The following GOSR1 variants were observed in gnomAD, a reference collection of about 807,000 sequenced individuals.
GOSR1 encodes 28 kDa Golgi SNARE protein.
Under a neutral mutation model 35.5 loss-of-function variants are expected in GOSR1, and 21 were observed. That is an observed-to-expected ratio of 0.59 (90% confidence interval 0.42 to 0.85). The LOEUF is 0.85. GOSR1 is among the 40% of genes least tolerant of loss of function. The pLI is 0.00. For synonymous variants in GOSR1, 94 were observed against 106.6 expected (o/e 0.88, Z 0.73); for missense variants, 285 against 309.6 (o/e 0.92, Z 0.60).
intron 4 of GOSR1, chr17:30,484,991 A>G: frequency 1.8e-6 from 1 of 549,496 alleles, no homozygotes; most frequent in Middle Eastern, 2.8e-4. Flanking sequence ...GGCGAAGTTG[A>G]GTAATATTCA....
At chr17:30,490,244 A>G in intron 5 of GOSR1, 27 bp downstream of exon 5, 3 of 1,101,626 alleles carry the variant, frequency 2.7e-6, no homozygotes, top group East Asian at 2.4e-5. Context: ...ATTATTTTGT[A>G]GAATATTTAT....
intron 7 of GOSR1, among the ~76,000 whole-genome samples, chr17:30,513,403 C>T (rs1016621729): frequency 1.3e-5 from 2 of 152,024 alleles, no homozygotes; most frequent in Non-Finnish European, 2.9e-5. Context: ...TTATATTTTG[C>T]TTCTAAATAT....
At chr17:30,479,826 G>C (rs1236117115) in intron 1 of GOSR1, 1 of 152,112 alleles carries the variant, frequency 6.6e-6, no homozygotes, top group Non-Finnish European at 1.5e-5. Context: ...TTTTTTAAAG[G>C]CGGTTTTTGG....
rs559083118 is a variant in GOSR1, at chr17:30,492,605, A to G, written c.435-74A>G. 1.0e-4 allele frequency: 84 copies of G among 823,936 alleles called. 1 individual carries two copies. The South Asian group carries it at 1.1e-3, about 11-fold the overall frequency. The allele number at this position is 823,936 out of a possible 1,614,324, so 51.0% of individuals were successfully genotyped here. On this transcript the variant is annotated intron_variant, in intron 5 of 8. Transcript: ENST00000451249. ...GAGAGGCTCAATTTTTCTACTTTCA[A>G]GATCACTAGGGTCAGTCAATCTGAT...
At chr17:30,498,287 T>A (rs1967074978) in intron 6 of GOSR1, among the ~76,000 whole-genome samples, 1 of 152,098 alleles carries the variant, frequency 6.6e-6, no homozygotes, top group Non-Finnish European at 1.5e-5. Context: ...TGAGCATCTA[T>A]GATGTGGAAA....
intron 6 of GOSR1, among the ~76,000 whole-genome samples, chr17:30,507,009 A>C (rs1967424873): frequency 6.6e-6 from 1 of 152,146 alleles, no homozygotes; most frequent in Non-Finnish European, 1.5e-5. Flanking sequence ...GAAAAAAAAG[A>C]ATTATTTCAA....
At chr17:30,490,562 G>GA (rs201546118) in intron 5 of GOSR1, among the ~76,000 whole-genome samples, 11 of 151,196 alleles carry the variant, frequency 7.3e-5, no homozygotes, top group Admixed American at 2.0e-4. Context: ...ATGTGTCAAA[G>GA]AAAAAAAAAT....
intron 6 of GOSR1, among the ~76,000 whole-genome samples, chr17:30,494,547 G>A (rs1966920570): frequency 6.6e-6 from 1 of 152,014 alleles, no homozygotes; most frequent in Non-Finnish European, 1.5e-5. Context: ...TCTTGAAAAA[G>A]TATCTAGTTA....
chr17:30,523,126 G>A lies in GOSR1; in HGVS notation c.*748G>A, dbSNP rs1464778989. 2.7e-5 allele frequency: 5 copies of A among 186,856 alleles called. No individual in the cohort carries two copies. The highest frequency in any genetic ancestry group is 1.8e-4 in the South Asian group (2 of 11,150). The allele number at this position is 186,856 out of a possible 1,614,324, so 11.6% of individuals were successfully genotyped here. ...ACCTGCCTTGGCCTCCCAAAGTGCC[G>A]AGATTGCAGCCTCTGCCCGGCCGCC... On this transcript the variant is annotated 3_prime_UTR_variant, in exon 9 of 9. Transcript: ENST00000451249.
In GOSR1 at chr17:30,522,420, C is replaced by T. The variant is rs763792182; in HGVS notation, c.*42C>T. The T allele has an allele frequency of 1.3e-6, 2 of 1,502,334 alleles. No individual in the cohort carries two copies. Among genetic ancestry groups the T allele is most frequent in the Non-Finnish European group, 9.0e-7 (1 of 1,114,510 alleles). 93.1% of individuals were successfully genotyped at this position (1,502,334 alleles called of 1,614,324 possible). On this transcript the variant is annotated 3_prime_UTR_variant, in exon 9 of 9. Coordinates refer to ENST00000451249, the MANE Select transcript of GOSR1 (RefSeq NM_001007025.2). ...ACTCTTGACAGCCACCGCTTTCACA[C>T]CCTGGTCTGGAATAAGGAAACATCG... is the stretch of plus-strand genomic sequence containing the variant.
rs1914863094 is a variant in GOSR1 at position 30,489,069 on chromosome 17, A to G, written c.343-1057A>G. 2.0e-5 allele frequency among the ~76,000 whole-genome samples: 3 copies of G among 152,214 alleles called. No homozygotes were observed. The South Asian group carries it at 6.2e-4, about 31-fold the overall frequency. On this transcript the variant is annotated intron_variant, in intron 4 of 8. Coordinates refer to ENST00000451249, the MANE Select transcript of GOSR1 (RefSeq NM_001007025.2). Reference sequence around the variant, plus strand: ...TACTTGGCAAAGTGAAAGAAATAATAGATAAGCTTGTATATGTAAAAACAT... The same window carrying G: ...TACTTGGCAAAGTGAAAGAAATAATGGATAAGCTTGTATATGTAAAAACAT...
chr17:30,479,982 G>A (rs1046014787), intron 1 of GOSR1: 3 of 152,122 alleles, frequency 2.0e-5, no homozygotes, highest in African/African-American at 7.2e-5. Context: ...GGCAATTTTT[G>A]TGGTAACTTT....
intron 6 of GOSR1, among the ~76,000 whole-genome samples, chr17:30,499,004 T>C (rs1391182946): frequency 2.6e-5 from 4 of 152,194 alleles, no homozygotes; most frequent in Non-Finnish European, 5.9e-5. Flanking sequence ...ATGCCCCTTT[T>C]GAGTCAGTCC....
intron 5 of GOSR1, chr17:30,490,433 C>A (rs1400666243): frequency 2.6e-6 from 1 of 388,264 alleles, no homozygotes; most frequent in East Asian, 4.4e-5. Context: ...TCATTGGCTC[C>A]TGCCAACCTT....
rs1378130218 is a variant in GOSR1, at chr17:30,527,151, G to C, written c.*4773G>C. On this transcript the variant is annotated 3_prime_UTR_variant, in exon 9 of 9. Coordinates refer to ENST00000451249, the MANE Select transcript of GOSR1 (RefSeq NM_001007025.2). ...GGCAGGAGGATTGCTTGAGACCAGG[G>C]ATTTGAGACCAGTCTGGGCAACACA... 1 of 152,146 alleles carries C rather than the reference G, an allele frequency of 6.6e-6. No homozygotes were observed. The highest frequency in any genetic ancestry group is 2.4e-5 in the African/African-American group (1 of 41,404). The allele number at this position is 152,146 out of a possible 1,614,324, so 9.4% of individuals were successfully genotyped here.
chr17:30,497,516 G>A (rs1967044420), intron 6 of GOSR1, among the ~76,000 whole-genome samples: 1 of 152,248 alleles, frequency 6.6e-6, no homozygotes, highest in South Asian at 2.1e-4. Flanking sequence ...TTACTTTATG[G>A]AATGTTGCAA....
chr17:30,501,450 A>G (rs1406066075), intron 6 of GOSR1, among the ~76,000 whole-genome samples: 1 of 152,132 alleles, frequency 6.6e-6, no homozygotes, highest in Non-Finnish European at 1.5e-5. Flanking sequence ...TGTGAATGCA[A>G]AATGGTACAG....
At position 30,492,231 on chromosome 17, in the gene GOSR1, CTT is replaced by C. The variant is rs778224987; in HGVS notation, c.435-447_435-446del. 7.0e-4 allele frequency among the ~76,000 whole-genome samples: 107 copies of C among 152,162 alleles called. 1 individual carries two copies. The highest frequency in any genetic ancestry group is 1.4e-3 in the Non-Finnish European group (93 of 68,034). Reference sequence around the variant, plus strand: ...TGTGCCAAAATGAGCAAATCTTTAGCTTGATTTCAGTGTTCCTTAGGCTTCAG... The same window carrying C: ...TGTGCCAAAATGAGCAAATCTTTAGCGATTTCAGTGTTCCTTAGGCTTCAG... On this transcript the variant is annotated intron_variant, in intron 5 of 8. Coordinates refer to ENST00000451249, the MANE Select transcript of GOSR1 (RefSeq NM_001007025.2).
intron 6 of GOSR1, among the ~76,000 whole-genome samples, chr17:30,493,255 A>G (rs1331614907): frequency 4.6e-5 from 7 of 152,100 alleles, no homozygotes; most frequent in African/African-American, 1.7e-4. Flanking sequence ...TGGCCTCCCA[A>G]ATTGCTGGGA....
Sources: allele counts gnomAD v4.1 joint callset (sites outside exome capture counted in the v4.1 genomes callset), GRCh38; gene constraint gnomAD v4.1.1; transcripts MANE v1.5; gene names NCBI Gene and HGNC (gene_info 2026-07-23, HGNC 2026-07-21).